CRADD: variants seen among roughly 807,000 people sequenced by gnomAD.
The protein encoded by CRADD is death domain-containing protein CRADD.
CRADD carries 9 observed loss-of-function variants against 15.5 expected under a neutral mutation model. The observed-to-expected ratio is 0.58, with a 90% CI of 0.35 to 1.01. The LOEUF (loss-of-function observed/expected upper bound fraction) is 1.01, where lower values mean the gene tolerates loss of function less well. CRADD is among the 50% of genes least tolerant of loss of function. CRADD has a pLI of 0.02. For synonymous variants in CRADD, 118 were observed against 107.6 expected, an observed-to-expected ratio of 1.10 and a Z score of -0.60; for missense variants, 227 against 250.3, an observed-to-expected ratio of 0.91 and a Z score of 0.63.
Position 93,702,772 on chromosome 12 carries a change from C to A in CRADD, c.298+23700C>A, listed in dbSNP as rs182795033. ...TCCCAGCCCCCACCAAAACACAATT[C>A]TTTTCAGGCAAGTGCACCATACAGG... On this transcript the variant is annotated intron_variant, in intron 2 of 2. Coordinates refer to ENST00000332896, the MANE Select transcript of CRADD (RefSeq NM_003805.5). Among the ~76,000 whole-genome samples the A allele has an allele frequency of 2.0e-5, 3 of 152,140 alleles. No individual in the cohort carries two copies. In the East Asian group the frequency reaches 5.8e-4, roughly 29 times the overall value.
intron 2 of CRADD, among the ~76,000 whole-genome samples, chr12:93,740,969 C>T (rs541367898): frequency 6.6e-6 from 1 of 152,246 alleles, no homozygotes; most frequent in East Asian, 1.9e-4. Flanking sequence ...TAATTTTTTG[C>T]AACATTTTCC....
chr12:93,800,490 G>A (rs1056705104), intron 2 of CRADD, among the ~76,000 whole-genome samples: 1 of 152,100 alleles, frequency 6.6e-6, no homozygotes, highest in Non-Finnish European at 1.5e-5. Context: ...GGAGATGACT[G>A]GATCATGGGG....
intron 2 of CRADD, among the ~76,000 whole-genome samples, chr12:93,784,641 T>C (rs1957255453): frequency 6.6e-6 from 1 of 151,896 alleles, no homozygotes; most frequent in African/African-American, 2.4e-5. Flanking sequence ...ATGTCTGAAG[T>C]CAAGCAGAAG....
chr12:93,820,529 A>T (rs1453190796), intron 2 of CRADD, among the ~76,000 whole-genome samples: 8 of 151,314 alleles, frequency 5.3e-5, no homozygotes, highest in South Asian at 4.2e-4. Context: ...AGGCTGGGCA[A>T]CAGAGCGAGA....
At chr12:93,846,282 T>C (rs936306985) in intron 2 of CRADD, among the ~76,000 whole-genome samples, 4 of 152,202 alleles carry the variant, frequency 2.6e-5, no homozygotes, top group Non-Finnish European at 4.4e-5. Context: ...TTCAATTCTT[T>C]TGAGTATATA....
At chr12:93,703,795 G>T (rs983098590) in intron 2 of CRADD, among the ~76,000 whole-genome samples, 2 of 152,160 alleles carry the variant, frequency 1.3e-5, no homozygotes, top group Non-Finnish European at 2.9e-5. Flanking sequence ...ATAGCACATT[G>T]TTAAAAGCAG....
At chr12:93,805,378 AATTC>A (rs1957525444) in intron 2 of CRADD, among the ~76,000 whole-genome samples, 1 of 152,066 alleles carries the variant, frequency 6.6e-6, no homozygotes, top group Non-Finnish European at 1.5e-5. Context: ...TATACAGTCT[AATTC>A]ATTTATTTTT....
chr12:93,714,354 G>T (rs1206298217), intron 2 of CRADD, among the ~76,000 whole-genome samples: 2 of 152,174 alleles, frequency 1.3e-5, no homozygotes, highest in African/African-American at 4.8e-5. Flanking sequence ...GGAGAAGAAA[G>T]CATTTTATTT....
intron 2 of CRADD, among the ~76,000 whole-genome samples, chr12:93,715,326 G>A (rs776548011): frequency 1.3e-5 from 2 of 152,142 alleles, no homozygotes; most frequent in Admixed American, 1.3e-4. Flanking sequence ...GTCCATAACA[G>A]TAGTTATTTG....
chr12:93,690,262 G>C (rs768302093), intron 2 of CRADD, among the ~76,000 whole-genome samples: 2 of 152,248 alleles, frequency 1.3e-5, no homozygotes, highest in Non-Finnish European at 2.9e-5. Context: ...AAAAGAAAGA[G>C]TGAAAGCTGA....
At position 93,824,669 on chromosome 12, in the gene CRADD, GCCTTCTGCC is replaced by G. The variant is rs1957805203; in HGVS notation, c.299-25300_299-25292del. ...TTATCCGAGCTGAAGCTGAAACCTA[GCCTTCTGCC>G]GAGTGGTATTCCTGAAGCCAGTCAC... On this transcript the variant is annotated intron_variant, in intron 2 of 2. Coordinates refer to ENST00000332896, the MANE Select transcript of CRADD (RefSeq NM_003805.5). This position sits in a 1 kb window ranked among gnomAD's most constrained non-coding sequence, Gnocchi z 4.3. Among the ~76,000 whole-genome samples, 1 of 152,164 alleles carries G rather than the reference GCCTTCTGCC, an allele frequency of 6.6e-6. No homozygotes were observed. The highest frequency in any genetic ancestry group is 1.5e-5 in the Non-Finnish European group (1 of 68,016).
intron 2 of CRADD, among the ~76,000 whole-genome samples, chr12:93,733,149 T>G (rs10859567): frequency 0.4 from 61,197 of 152,102 alleles, 12,793 homozygotes; most frequent in East Asian, 0.56. Flanking sequence ...CTATCATTAT[T>G]GTTATAAAGC....
intron 2 of CRADD, among the ~76,000 whole-genome samples, chr12:93,750,622 C>G (rs1488205971): frequency 6.6e-6 from 1 of 151,902 alleles, no homozygotes; most frequent in East Asian, 1.9e-4. Context: ...CTAAAACCGA[C>G]TATATGTATC....
chr12:93,855,199 A>G (rs994100074), downstream of CRADD, among the ~76,000 whole-genome samples: 12 of 152,118 alleles, frequency 7.9e-5, no homozygotes, highest in Non-Finnish European at 1.2e-4. Flanking sequence ...TCTTAAAAAA[A>G]AAATTAACTT....
intron 2 of CRADD, among the ~76,000 whole-genome samples, chr12:93,825,263 C>G (rs1957811342): frequency 6.6e-6 from 1 of 152,194 alleles, no homozygotes; most frequent in Non-Finnish European, 1.5e-5. Context: ...TAACCAGAGA[C>G]TTAGCAAGAC....
At chr12:93,836,825 A>G (rs963234606) in intron 2 of CRADD, among the ~76,000 whole-genome samples, 3 of 152,222 alleles carry the variant, frequency 2.0e-5, no homozygotes, top group African/African-American at 4.8e-5. Flanking sequence ...AGCAGGATGG[A>G]CAAAGCTCCC....
intron 2 of CRADD, among the ~76,000 whole-genome samples, chr12:93,776,328 G>A (rs556227783): frequency 6.6e-6 from 1 of 152,200 alleles, no homozygotes; most frequent in African/African-American, 2.4e-5. Context: ...TTGTAAAGGG[G>A]TTATTTGTAG....
chr12:93,820,223 C>G (rs1272950218), intron 2 of CRADD, among the ~76,000 whole-genome samples: 1 of 152,184 alleles, frequency 6.6e-6, no homozygotes, highest in Non-Finnish European at 1.5e-5. Context: ...TCATCATCAT[C>G]CCTCCCCTGT....
At position 93,850,280 on chromosome 12, in the gene CRADD, C is replaced by T. The variant is rs1380056364; in HGVS notation, c.*9C>T. ...TGCACATGTTGGAGTGATGGTGCCT[C>T]CAGCAACCGCTGGGGAGTGTGTCCC... On this transcript the variant is annotated 3_prime_UTR_variant, in exon 3 of 3. Coordinates refer to ENST00000332896, the MANE Select transcript of CRADD (RefSeq NM_003805.5). The surrounding 1 kb of genome is among the most constrained non-coding windows in gnomAD (Gnocchi z 4.0). The T allele has an allele frequency of 1.3e-6, 2 of 1,583,276 alleles. No individual in the cohort carries two copies. Among genetic ancestry groups the T allele is most frequent in the East Asian group, 2.3e-5 (1 of 44,336 alleles).
Sources: gnomAD v4.1 joint callset for allele counts (sites outside exome capture counted in the v4.1 genomes callset) on GRCh38, gnomAD v4.1.1 for gene constraint, Gnocchi (gnomAD v3.1) non-coding constraint, MANE v1.5 for transcripts, NCBI Gene and HGNC (gene_info 2026-07-23, HGNC 2026-07-21) for gene names.